The following PTPN14 variants were observed in gnomAD, a reference collection of about 807,000 sequenced individuals.
The protein encoded by PTPN14 is tyrosine-protein phosphatase non-receptor type 14.
In PTPN14, 53 loss-of-function variants were observed where a neutral mutation model predicts 126.8. The ratio of observed to expected loss-of-function variants is 0.42; its 90% CI spans 0.34 to 0.53. The LOEUF is 0.53. Ranked by LOEUF, PTPN14 falls within the 20% of genes least tolerant of loss-of-function variation. The probability of loss-of-function intolerance (pLI) is 0.08; values close to 1 mark genes in which losing one functional copy is unlikely to be tolerated. For missense variants in PTPN14, 1,257 were observed against 1,552.9 expected (o/e 0.81, Z 3.20); for synonymous variants, 630 against 599.3 (o/e 1.05, Z -0.75).
intron 3 of PTPN14, among the ~76,000 whole-genome samples, chr1:214,445,923 C>T (rs1177268529): frequency 2.0e-5 from 3 of 152,082 alleles, no homozygotes; most frequent in Non-Finnish European, 4.4e-5. Context: ...AAACACATTA[C>T]AAAAATCTTT....
At chr1:214,488,848 T>C (rs1008974537) in intron 1 of PTPN14, among the ~76,000 whole-genome samples, 4 of 152,186 alleles carry the variant, frequency 2.6e-5, no homozygotes, top group Admixed American at 1.3e-4. Context: ...AATTTTCCCA[T>C]CACAAGCACA....
At chr1:214,408,434 C>T (rs1659219098) in intron 5 of PTPN14, among the ~76,000 whole-genome samples, 2 of 152,292 alleles carry the variant, frequency 1.3e-5, no homozygotes, top group African/African-American at 2.4e-5. Flanking sequence ...AACCAACCAA[C>T]AAACCAACCA....
At chr1:214,365,834 T>C (rs1658067278) in intron 17 of PTPN14, among the ~76,000 whole-genome samples, 1 of 152,140 alleles carries the variant, frequency 6.6e-6, no homozygotes, top group Non-Finnish European at 1.5e-5. Flanking sequence ...GCAGTACTAC[T>C]AGTAGTAGTA....
At chr1:214,402,213 A>G (rs1263553954) in intron 6 of PTPN14, among the ~76,000 whole-genome samples, 2 of 151,904 alleles carry the variant, frequency 1.3e-5, no homozygotes, top group Non-Finnish European at 2.9e-5. Context: ...CGAGGCAGGC[A>G]GATCACTTGA....
At chr1:214,512,159 T>C (rs978159444) in intron 1 of PTPN14, among the ~76,000 whole-genome samples, 2 of 152,092 alleles carry the variant, frequency 1.3e-5, no homozygotes, top group Non-Finnish European at 1.5e-5. Context: ...CAAAAGCCAG[T>C]GTTCCATCTT....
At chr1:214,499,046 C>T (rs759893639) in intron 1 of PTPN14, among the ~76,000 whole-genome samples, 1 of 152,080 alleles carries the variant, frequency 6.6e-6, no homozygotes, top group African/African-American at 2.4e-5. Context: ...CTCAAGCCAT[C>T]CTCCCACCTC....
intron 1 of PTPN14, among the ~76,000 whole-genome samples, chr1:214,486,005 C>G (rs61819643): frequency 0.026 from 3,967 of 152,258 alleles, 73 homozygotes; most frequent in Middle Eastern, 0.048. Flanking sequence ...GGATTACAGG[C>G]GTGAGCCACC....
intron 1 of PTPN14, among the ~76,000 whole-genome samples, chr1:214,526,323 A>G (rs1387360413): frequency 6.6e-6 from 1 of 152,182 alleles, no homozygotes; most frequent in Non-Finnish European, 1.5e-5. Context: ...AAAGTGACTA[A>G]CATTAATTTG....
chr1:214,404,734 G>A (rs1183966920), intron 5 of PTPN14, among the ~76,000 whole-genome samples: 1 of 152,162 alleles, frequency 6.6e-6, no homozygotes. Flanking sequence ...ATGCATGCCT[G>A]TACACAGCCA....
At chr1:214,539,250 A>G (rs1655781755) in intron 1 of PTPN14, among the ~76,000 whole-genome samples, 2 of 152,178 alleles carry the variant, frequency 1.3e-5, no homozygotes. Flanking sequence ...GCCCTTCCAT[A>G]TTACAGGTGT....
chr1:214,458,478 T>G (rs1227229538), intron 2 of PTPN14, among the ~76,000 whole-genome samples: 1 of 152,180 alleles, frequency 6.6e-6, no homozygotes, highest in Admixed American at 6.5e-5. Context: ...GGCAGCCACA[T>G]CGAGTGCTTC....
In PTPN14 at chr1:214,351,868, A is replaced by G. The variant is rs576276970; in HGVS notation, c.*6054T>C. On this transcript the variant is annotated 3_prime_UTR_variant, in exon 19 of 19. Transcript: ENST00000366956. Reference sequence around the variant, plus strand: ...GGAGAGGCATTCCAGAGTTCAGAAAATTATTTGTGAAACAGAGAACTTTTG... The same window carrying G: ...GGAGAGGCATTCCAGAGTTCAGAAAGTTATTTGTGAAACAGAGAACTTTTG... The G allele has an allele frequency of 3.3e-5, 5 of 152,328 alleles. No individual in the cohort carries two copies. The highest frequency in any genetic ancestry group is 2.1e-4 in the South Asian group (1 of 4,824). The allele number at this position is 152,328 out of a possible 1,614,324, so 9.4% of individuals were successfully genotyped here.
intron 1 of PTPN14, among the ~76,000 whole-genome samples, chr1:214,509,866 T>C (rs923857349): frequency 4.6e-5 from 7 of 152,202 alleles, no homozygotes; most frequent in Non-Finnish European, 8.8e-5. Context: ...GAAACTATCA[T>C]TCTGAGCAAA....
intron 2 of PTPN14, among the ~76,000 whole-genome samples, chr1:214,452,187 A>C (rs953750494): frequency 6.6e-6 from 1 of 152,160 alleles, no homozygotes; most frequent in Non-Finnish European, 1.5e-5. Flanking sequence ...CAGTATCCCT[A>C]CTCATTACTA....
intron 3 of PTPN14, among the ~76,000 whole-genome samples, chr1:214,436,766 G>A (rs56309401): frequency 0.75 from 108,995 of 145,728 alleles, 40,194 homozygotes; most frequent in Middle Eastern, 0.82. Flanking sequence ...CAGCCTGGGC[G>A]ACAGAGAAAG....
chr1:214,378,248 A>G (rs1658390829), intron 13 of PTPN14, 146 bp from the exon 14 acceptor site: 6 of 1,085,396 alleles, frequency 5.5e-6, no homozygotes, highest in Non-Finnish European at 7.6e-6. Context: ...CAGCCTTCCC[A>G]CTATTCCCAC....
At chr1:214,474,991 G>C (rs1407130327) in intron 1 of PTPN14, among the ~76,000 whole-genome samples, 1 of 152,112 alleles carries the variant, frequency 6.6e-6, no homozygotes, top group Non-Finnish European at 1.5e-5. Context: ...TGTTGTCTGG[G>C]ATTTGCTTAA....
intron 1 of PTPN14, among the ~76,000 whole-genome samples, chr1:214,483,936 G>T (rs1661057429): frequency 6.6e-6 from 1 of 152,172 alleles, no homozygotes; most frequent in African/African-American, 2.4e-5. Flanking sequence ...GCATTTGAAA[G>T]AAAAGAGTTC....
rs1660281239 is a variant in PTPN14 at position 214,451,968 on chromosome 1, A to G, written c.181T>C (p.Tyr61His). The change falls in exon 3 of 19, where the codon TAC becomes CAC. Residue 61 changes from tyrosine to histidine, a missense_variant. This residue lies in a region of PTPN14 where 1,021 missense variants were observed against 1,183.3 expected (regional missense o/e 0.86). Coordinates refer to ENST00000366956, the MANE Select transcript of PTPN14 (RefSeq NM_005401.5). ...TTGCTGAGAAACCAAAGGCCAAAGT[A>G]GTGCGTCTAGATAAAAGGGTAAAAT... ...AQRLELRETH[Y>H]FGLWFLSKSQ... The G allele has an allele frequency of 1.2e-6, 2 of 1,613,612 alleles. No homozygotes were observed. The highest frequency in any genetic ancestry group is 1.7e-6 in the Non-Finnish European group (2 of 1,179,732).
Sources: gnomAD v4.1 joint callset for allele counts (sites outside exome capture counted in the v4.1 genomes callset) on GRCh38, gnomAD v4.1.1 for gene constraint, gnomAD v4.1.1 regional missense constraint, MANE v1.5 for transcripts, NCBI Gene and HGNC (gene_info 2026-07-23, HGNC 2026-07-21) for gene names.